Variants in CSNK1G2 observed in about 807,000 individuals in gnomAD.
CSNK1G2 encodes the protein casein kinase I isoform gamma-2.
In CSNK1G2, 11 loss-of-function variants were observed where a neutral mutation model predicts 48.0. The observed-to-expected ratio is 0.23, with a 90% CI of 0.14 to 0.38. CSNK1G2 has a LOEUF of 0.38. CSNK1G2 is among the 10% of genes least tolerant of loss of function. CSNK1G2 has a pLI of 1.00. For missense variants in CSNK1G2, 446 were observed against 595.5 expected (o/e 0.75, Z 2.61); for synonymous variants, 337 against 254.1 (o/e 1.33, Z -3.10).
chr19:1,955,582 A>G (rs942613376), intron 1 of CSNK1G2, among the ~76,000 whole-genome samples: 1 of 145,728 alleles, frequency 6.9e-6, no homozygotes, highest in African/African-American at 2.8e-5. Flanking sequence ...CGCCCAGGTC[A>G]GGGGCTTCTC....
rs910036802 is a variant in CSNK1G2, at chr19:1,978,462, C to G, written c.249C>G (p.Ala83=). ...AIKLEPIKSR[A]PQLHLEYRFY... ...CCCAGGAGCCGATCAAGTCCCGGGCCCCGCAGCTGCACCTGGAGTACCGGT... is the reference window on the plus strand; with the variant it reads ...CCCAGGAGCCGATCAAGTCCCGGGCGCCGCAGCTGCACCTGGAGTACCGGT... Residue 83 remains alanine, a synonymous_variant, in exon 4 of 12, where the codon GCC becomes GCG. Coordinates refer to ENST00000255641, the MANE Select transcript of CSNK1G2 (RefSeq NM_001319.7). This position sits in a 1 kb window ranked among gnomAD's most constrained non-coding sequence, Gnocchi z 7.3. 1 of 1,607,128 alleles carries G rather than the reference C, an allele frequency of 6.2e-7. No homozygotes were observed. Among genetic ancestry groups the G allele is most frequent in the African/African-American group, 1.3e-5 (1 of 74,794 alleles).
chr19:1,946,980 C>T (rs1482181806), intron 1 of CSNK1G2, among the ~76,000 whole-genome samples: 1 of 151,962 alleles, frequency 6.6e-6, no homozygotes, highest in Non-Finnish European at 1.5e-5. Flanking sequence ...TCTTGAACTC[C>T]TGACCTCAGG....
At position 1,979,924 on chromosome 19, in the gene CSNK1G2, C is replaced by T. The variant is rs141617052; in HGVS notation, c.1100C>T (p.Thr367Ile). ...TGCCCCCACCAGGCGTTGAACTCCA[C>T]CAACGGGGAGCTGAATGCGGACGAC... ...PHSKNQALNS[T>I]NGELNADDPT... The change falls in exon 11 of 12, where the codon ACC (threonine) becomes ATC (isoleucine). Residue 367 changes from threonine (T) to isoleucine (I), a missense_variant. This residue lies in a region of CSNK1G2 where 188 missense variants were observed against 179.6 expected (regional missense o/e 1.05). Coordinates refer to ENST00000255641, the MANE Select transcript of CSNK1G2 (RefSeq NM_001319.7). The T allele has an allele frequency of 9.8e-5, 157 of 1,606,338 alleles. No individual in the cohort carries two copies. The African/African-American group carries it at 2.0e-3, about 20-fold the overall frequency.
At chr19:1,961,336 G>C (rs2015192925) in intron 1 of CSNK1G2, among the ~76,000 whole-genome samples, 1 of 152,232 alleles carries the variant, frequency 6.6e-6, no homozygotes, top group Non-Finnish European at 1.5e-5. Flanking sequence ...GCTGCTGCTT[G>C]TTCCCCTACA....
At chr19:1,943,331 T>G (rs1000472380) in intron 1 of CSNK1G2, among the ~76,000 whole-genome samples, 14 of 152,112 alleles carry the variant, frequency 9.2e-5, no homozygotes, top group Admixed American at 9.2e-4. Context: ...GAGCAGCGCC[T>G]CATTGCCTGG....
intron 1 of CSNK1G2, among the ~76,000 whole-genome samples, chr19:1,955,616 G>T (rs1466860018): frequency 2.0e-5 from 3 of 151,244 alleles, no homozygotes; most frequent in Non-Finnish European, 4.4e-5. Context: ...CTTAGGGTGG[G>T]TGTGGCTGGG....
chr19:1,980,334 A>T lies in CSNK1G2; in HGVS notation c.*131A>T. The T allele has an allele frequency of 3.5e-6, 4 of 1,149,818 alleles. No homozygotes were observed. The highest frequency in any genetic ancestry group is 1.6e-5 in the African/African-American group (1 of 64,012). The allele number at this position is 1,149,818 out of a possible 1,614,324, so 71.2% of individuals were successfully genotyped here. On this transcript the variant is annotated 3_prime_UTR_variant, in exon 12 of 12. Transcript: ENST00000255641. ...GGCTGGAAGCCAGAACGCAGACTGC[A>T]GGGGCCGCGCCTGGCTCAGGCGGCC...
intron 1 of CSNK1G2, among the ~76,000 whole-genome samples, chr19:1,964,600 C>G (rs532096212): frequency 6.6e-6 from 1 of 152,106 alleles, no homozygotes. Context: ...GAGAATTATG[C>G]TAAATCTACT....
intron 1 of CSNK1G2, among the ~76,000 whole-genome samples, chr19:1,961,305 G>A (rs926644390): frequency 6.6e-6 from 1 of 152,232 alleles, no homozygotes; most frequent in Non-Finnish European, 1.5e-5. Context: ...TGGAGGACTT[G>A]AGGCCGGCTC....
At chr19:1,962,885 GC>G (rs1250744541) in intron 1 of CSNK1G2, among the ~76,000 whole-genome samples, 1 of 152,178 alleles carries the variant, frequency 6.6e-6, no homozygotes, top group Non-Finnish European at 1.5e-5. Context: ...GTGCGCAGAC[GC>G]CGCCGTGGAC....
intron 1 of CSNK1G2, among the ~76,000 whole-genome samples, chr19:1,965,068 C>G (rs1837108455): frequency 6.6e-6 from 1 of 150,752 alleles, no homozygotes; most frequent in African/African-American, 2.4e-5. Context: ...TGACAACGCA[C>G]CTGGTCACCC....
chr19:1,960,250 C>T (rs1043328468), intron 1 of CSNK1G2, among the ~76,000 whole-genome samples: 2 of 152,230 alleles, frequency 1.3e-5, no homozygotes, highest in Non-Finnish European at 2.9e-5. Flanking sequence ...GAAGGTCCCC[C>T]GGATGGCGCC....
intron 1 of CSNK1G2, among the ~76,000 whole-genome samples, chr19:1,961,212 CAG>C (rs1315735890): frequency 4.6e-5 from 7 of 152,244 alleles, no homozygotes; most frequent in South Asian, 2.1e-4. Flanking sequence ...TTCTCGCTGT[CAG>C]GGGGCTGTTC....
chr19:1,950,190 A>G (rs1425692003), intron 1 of CSNK1G2, among the ~76,000 whole-genome samples: 1 of 152,064 alleles, frequency 6.6e-6, no homozygotes, highest in East Asian at 1.9e-4. Context: ...CCCAGGCTGG[A>G]GTGTGGTGGC....
At chr19:1,973,179 G>A (rs1403058472) in intron 2 of CSNK1G2, among the ~76,000 whole-genome samples, 3 of 150,462 alleles carry the variant, frequency 2.0e-5, no homozygotes, top group African/African-American at 2.4e-5. Context: ...TGCCCGCCTC[G>A]GCCTCCCAAA....
Position 1,957,583 on chromosome 19 carries a change from G to C in CSNK1G2, c.-265-11925G>C, listed in dbSNP as rs150065170. The stretch of plus-strand genomic sequence containing the variant: ...CCGAGCAGATGCCTTTGCCCCTGCA[G>C]GTCCCCCATGTCCCCTCGCCCGGGG... On this transcript the variant is annotated intron_variant, in intron 1 of 11. Transcript: ENST00000255641. This position sits in a 1 kb window ranked among gnomAD's most constrained non-coding sequence, Gnocchi z 5.4. Among the ~76,000 whole-genome samples, 148 of 152,340 alleles carry C rather than the reference G, an allele frequency of 9.7e-4. No individual in the cohort carries two copies. Among genetic ancestry groups the C allele is most frequent in the African/African-American group, 2.9e-3 (120 of 41,576 alleles).
At chr19:1,965,708 G>C (rs1295014063) in intron 1 of CSNK1G2, among the ~76,000 whole-genome samples, 1 of 152,048 alleles carries the variant, frequency 6.6e-6, no homozygotes, top group Non-Finnish European at 1.5e-5. Context: ...ATGTTCCTCA[G>C]GCTGGTCTTG....
rs188763880 is a variant in CSNK1G2, at chr19:1,961,003, C to T, written c.-265-8505C>T. 1.5e-3 allele frequency among the ~76,000 whole-genome samples: 235 copies of T among 152,322 alleles called. 1 individual carries two copies. Among genetic ancestry groups the T allele is most frequent in the African/African-American group, 5.3e-3 (219 of 41,560 alleles). ...GCTGGTGGCTCATCCAGGTGTGGGC[C>T]GGTGTGCGGCGGGGCGTGGGCAGAG... On this transcript the variant is annotated intron_variant, in intron 1 of 11. Coordinates refer to ENST00000255641, the MANE Select transcript of CSNK1G2 (RefSeq NM_001319.7).
intron 2 of CSNK1G2, among the ~76,000 whole-genome samples, chr19:1,973,073 G>A (rs553801442): frequency 1.1e-3 from 173 of 151,236 alleles, no homozygotes; most frequent in African/African-American, 3.9e-3. Flanking sequence ...GACTACAGCC[G>A]CCCGCCACCA....
Sources: allele counts gnomAD v4.1 joint callset (sites outside exome capture counted in the v4.1 genomes callset), GRCh38; gene constraint gnomAD v4.1.1; regional missense constraint gnomAD v4.1.1; non-coding constraint Gnocchi (gnomAD v3.1); transcripts MANE v1.5; gene names NCBI Gene and HGNC (gene_info 2026-07-23, HGNC 2026-07-21).